PSD3: variants seen among roughly 807,000 people sequenced by gnomAD.
PSD3 encodes PH and SEC7 domain-containing protein 3.
A neutral mutation model predicts 105.5 loss-of-function variants in PSD3; 49 were observed. The observed-to-expected ratio is 0.46, with a 90% CI of 0.37 to 0.59. The LOEUF (loss-of-function observed/expected upper bound fraction) is 0.59, where lower values mean the gene tolerates loss of function less well. PSD3 is among the 20% of genes least tolerant of loss of function. PSD3 has a pLI of 0.00. For synonymous variants in PSD3, 557 were observed against 457.8 expected (o/e 1.22, Z -2.77); for missense variants, 1,561 against 1,263.8 (o/e 1.24, Z -3.57).
intron 4 of PSD3, among the ~76,000 whole-genome samples, chr8:18,823,271 T>A (rs915848466): frequency 6.6e-6 from 1 of 152,158 alleles, no homozygotes; most frequent in African/African-American, 2.4e-5. Context: ...AATTTCTCCT[T>A]CAACTATAAT....
chr8:18,812,185 A>G (rs1435401898), intron 4 of PSD3, among the ~76,000 whole-genome samples: 2 of 152,180 alleles, frequency 1.3e-5, no homozygotes, highest in African/African-American at 2.4e-5. Flanking sequence ...TCTGATGTTG[A>G]CGCTGAACTA....
At chr8:18,617,932 G>C (rs890315663) in intron 11 of PSD3, among the ~76,000 whole-genome samples, 1 of 152,174 alleles carries the variant, frequency 6.6e-6, no homozygotes, top group Non-Finnish European at 1.5e-5. Context: ...GCCGTCTCTA[G>C]TGGGGGAAAT....
At chr8:19,008,967 T>C (rs1826830393) in intron 1 of PSD3, among the ~76,000 whole-genome samples, 1 of 152,246 alleles carries the variant, frequency 6.6e-6, no homozygotes. Flanking sequence ...TTGAAGCATC[T>C]AGATCACTTC....
intron 2 of PSD3, among the ~76,000 whole-genome samples, chr8:18,917,055 A>C (rs1383602439): frequency 6.6e-6 from 1 of 152,054 alleles, no homozygotes; most frequent in African/African-American, 2.4e-5. Flanking sequence ...GCATTCTTCC[A>C]CCTTACCCCC....
Position 18,892,759 on chromosome 8 carries a change from G to C in PSD3, c.131-20026C>G, listed in dbSNP as rs137945840. Among the ~76,000 whole-genome samples, 606 of 151,774 alleles carry C rather than the reference G, an allele frequency of 4.0e-3. 8 individuals carry two copies. The highest frequency in any genetic ancestry group is 0.014 in the African/African-American group (568 of 41,364). On this transcript the variant is annotated intron_variant, in intron 2 of 15. Transcript: ENST00000327040. ...CACACCTCAGCCTCCCAAGTAGCTG[G>C]GATTACAGGCATATACCACCACGTA...
intron 1 of PSD3, among the ~76,000 whole-genome samples, chr8:19,046,605 T>A (rs189486031): frequency 6.6e-6 from 1 of 152,308 alleles, no homozygotes; most frequent in East Asian, 1.9e-4. Flanking sequence ...TCTTTCTGCC[T>A]TTTGAAATGC....
chr8:18,854,972 G>GA (rs1158225208), intron 4 of PSD3, among the ~76,000 whole-genome samples: 1 of 152,200 alleles, frequency 6.6e-6, no homozygotes, highest in Non-Finnish European at 1.5e-5. Flanking sequence ...AACTGCCACA[G>GA]AGGCATCCGA....
intron 11 of PSD3, among the ~76,000 whole-genome samples, chr8:18,610,430 G>A (rs1320687314): frequency 6.6e-6 from 1 of 152,118 alleles, no homozygotes; most frequent in Non-Finnish European, 1.5e-5. Flanking sequence ...AGTTGTTTCT[G>A]TACCTCACTG....
Position 18,886,194 on chromosome 8 carries a change from GA to G in PSD3, c.131-13462del, listed in dbSNP as rs895793080. 5.2e-3 allele frequency among the ~76,000 whole-genome samples: 760 copies of G among 146,912 alleles called. 6 individuals carry two copies. The highest frequency in any genetic ancestry group is 0.018 in the African/African-American group (725 of 39,982). On this transcript the variant is annotated intron_variant, in intron 2 of 15. Transcript: ENST00000327040. ...GTGTGTTCCCAGGAAAGCTTGTGGG[GA>G]AAAAAAAAAGAAAAGAAGTAAGATT...
chr8:18,567,268 GTT>G (rs35837572), intron 14 of PSD3, among the ~76,000 whole-genome samples: 72,227 of 150,782 alleles, frequency 0.48, 18,696 homozygotes, highest in Non-Finnish European at 0.59. Flanking sequence ...ATTTTGGAAG[GTT>G]TTTTTTTTTG....
At chr8:19,081,438 G>C (rs139429882) in intron 1 of PSD3, among the ~76,000 whole-genome samples, 1,686 of 152,296 alleles carry the variant, frequency 0.011, 19 homozygotes, top group Non-Finnish European at 0.016. Context: ...CCCTGGACTG[G>C]GGGTAGACAA....
At chr8:18,932,357 G>A (rs191445081) in intron 2 of PSD3, among the ~76,000 whole-genome samples, 2 of 152,308 alleles carry the variant, frequency 1.3e-5, no homozygotes, top group East Asian at 3.9e-4. Flanking sequence ...AGACAGCTGT[G>A]AGAAGTAATT....
chr8:19,022,674 A>C (rs1486420194), intron 1 of PSD3, among the ~76,000 whole-genome samples: 2 of 152,180 alleles, frequency 1.3e-5, no homozygotes, highest in East Asian at 1.9e-4. Context: ...TTTCTCCAAC[A>C]GGTCTCTTTG....
chr8:18,901,846 T>C (rs1217771949), intron 2 of PSD3, among the ~76,000 whole-genome samples: 4 of 152,208 alleles, frequency 2.6e-5, no homozygotes, highest in African/African-American at 7.2e-5. Context: ...TTTGACTATG[T>C]ATCAGCCCAT....
intron 1 of PSD3, among the ~76,000 whole-genome samples, chr8:18,958,164 A>G (rs1823694814): frequency 6.6e-6 from 1 of 152,230 alleles, no homozygotes; most frequent in South Asian, 2.1e-4. Flanking sequence ...ATATTAAAAA[A>G]GAATGAGAAA....
chr8:18,924,363 T>C (rs1011592813), intron 2 of PSD3, among the ~76,000 whole-genome samples: 2 of 152,190 alleles, frequency 1.3e-5, no homozygotes, highest in South Asian at 2.1e-4. Flanking sequence ...TAAAATCATT[T>C]TTCTGCTTTC....
At chr8:18,633,982 C>G (rs951349075) in intron 10 of PSD3, among the ~76,000 whole-genome samples, 2 of 151,834 alleles carry the variant, frequency 1.3e-5, no homozygotes, top group African/African-American at 4.8e-5. Flanking sequence ...GATGGTATCT[C>G]ATTGTGGTTT....
intron 9 of PSD3, among the ~76,000 whole-genome samples, chr8:18,749,866 A>G (rs971450206): frequency 1.3e-5 from 2 of 152,230 alleles, no homozygotes; most frequent in Non-Finnish European, 2.9e-5. Flanking sequence ...GGGGGACCGC[A>G]GTCCTATGAC....
intron 4 of PSD3, among the ~76,000 whole-genome samples, chr8:18,816,688 G>C (rs149415069): frequency 1.9e-4 from 29 of 152,260 alleles, no homozygotes; most frequent in African/African-American, 6.7e-4. Flanking sequence ...CTTCTAATAA[G>C]AGAGAGAAAC....
Sources: allele counts gnomAD v4.1 joint callset (sites outside exome capture counted in the v4.1 genomes callset), GRCh38; gene constraint gnomAD v4.1.1; transcripts MANE v1.5; gene names NCBI Gene and HGNC (gene_info 2026-07-23, HGNC 2026-07-21).